WNT5A: variants seen among roughly 807,000 people sequenced by gnomAD.
WNT5A encodes the protein Wnt family member 5A.
A neutral mutation model predicts 42.1 loss-of-function variants in WNT5A; 9 were observed. The observed-to-expected ratio is 0.21, with a 90% confidence interval of 0.13 to 0.37. WNT5A has a LOEUF of 0.37. WNT5A is among the 10% of genes least tolerant of loss of function. The pLI, the probability that WNT5A is intolerant of heterozygous loss-of-function variation, is 1.00. For missense variants in WNT5A, 426 were observed against 534.0 expected (o/e 0.80, Z 1.99); for synonymous variants, 210 against 210.0 (o/e 1.00, Z 0.00).
chr3:55,494,598 G>T (rs2051695592), upstream of WNT5A, among the ~76,000 whole-genome samples: 1 of 152,106 alleles, frequency 6.6e-6, no homozygotes, highest in Admixed American at 6.5e-5. Context: ...GAGTGCAGTG[G>T]TGCGATCTTA....
chr3:55,470,892 C>T (rs150809587), intron 4 of WNT5A, among the ~76,000 whole-genome samples: 306 of 152,206 alleles, frequency 2.0e-3, no homozygotes, highest in Non-Finnish European at 3.6e-3. Flanking sequence ...AATGCATTAC[C>T]TGAATTAATC....
chr3:55,475,758 T>C (rs575365336), intron 3 of WNT5A, among the ~76,000 whole-genome samples: 1 of 152,280 alleles, frequency 6.6e-6, no homozygotes, highest in Admixed American at 6.5e-5. Flanking sequence ...TATCTCCCCA[T>C]ATAATAGTTA....
At chr3:55,482,149 C>A (rs1428941992) in intron 1 of WNT5A, among the ~76,000 whole-genome samples, 1 of 152,202 alleles carries the variant, frequency 6.6e-6, no homozygotes, top group African/African-American at 2.4e-5. Context: ...CCAGACGGGG[C>A]CAGAGGCGCT....
intron 2 of WNT5A, 127 bp from the exon 3 acceptor site, chr3:55,479,691 C>A: frequency 7.6e-7 from 1 of 1,311,582 alleles, no homozygotes; most frequent in Non-Finnish European, 1.0e-6. Flanking sequence ...GTCCTCATGA[C>A]AAAGTATGAG....
chr3:55,493,000 A>T (rs1415663750), upstream of WNT5A, among the ~76,000 whole-genome samples: 1 of 152,218 alleles, frequency 6.6e-6, no homozygotes, highest in Non-Finnish European at 1.5e-5. Flanking sequence ...TGGAACTGTC[A>T]AAGATTTGTT....
At chr3:55,480,677 A>G in intron 2 of WNT5A, 108 bp downstream of exon 2, 1 of 1,211,124 alleles carries the variant, frequency 8.3e-7, no homozygotes, top group Non-Finnish European at 1.1e-6. Context: ...ATGTCTTGCA[A>G]TAAATACACC....
At chr3:55,490,154 T>C (rs1401943344), upstream of WNT5A, 1 of 152,252 alleles carries the variant, frequency 6.6e-6, no homozygotes, top group African/African-American at 2.4e-5. Flanking sequence ...GCAGTTCGTG[T>C]AGAGGATCCT....
chr3:55,474,310 G>T, intron 4 of WNT5A, 27 bp downstream of exon 4: 1 of 1,611,810 alleles, frequency 6.2e-7, no homozygotes, highest in Non-Finnish European at 8.5e-7. Flanking sequence ...ACAGAGATGC[G>T]GGGCGGGGGC....
chr3:55,466,796 A>G lies in WNT5A; in HGVS notation c.*3296T>C, dbSNP rs974739041. Reference sequence around the variant, plus strand: ...TACAACTGAGGAAAAACTGAAACAGATGTGAGTCCTAGAACCACAAGAGTT... The same window carrying G: ...TACAACTGAGGAAAAACTGAAACAGGTGTGAGTCCTAGAACCACAAGAGTT... On this transcript the variant is annotated 3_prime_UTR_variant, in exon 5 of 5. Coordinates refer to ENST00000264634, the MANE Select transcript of WNT5A (RefSeq NM_003392.7). 6.6e-6 allele frequency: 1 copy of G among 152,646 alleles called. No homozygotes were observed. Among genetic ancestry groups the G allele is most frequent in the Non-Finnish European group, 1.5e-5 (1 of 68,030 alleles). The allele number at this position is 152,646 out of a possible 1,614,324, so 9.5% of individuals were successfully genotyped here.
Position 55,468,641 on chromosome 3 carries a change from T to A in WNT5A, c.*1451A>T, listed in dbSNP as rs965421436. 4.0e-5 allele frequency: 6 copies of A among 149,134 alleles called. No homozygotes were observed. Among genetic ancestry groups the A allele is most frequent in the Admixed American group, 2.7e-4 (4 of 14,902 alleles). 9.2% of individuals were successfully genotyped at this position (149,134 alleles called of 1,614,324 possible). On this transcript the variant is annotated 3_prime_UTR_variant, in exon 5 of 5. Transcript: ENST00000264634. ...AATGAGATATATTTATATTTATATT[T>A]ATATATATGTATATATATATATATG...
the WNT5A span, among the ~76,000 whole-genome samples, chr3:55,502,453 T>C: frequency 6.6e-6 from 1 of 152,206 alleles, no homozygotes; most frequent in Non-Finnish European, 1.5e-5. Flanking sequence ...TCCCTGCAAC[T>C]TAGTTCCACC....
intron 2 of WNT5A, among the ~76,000 whole-genome samples, chr3:55,479,815 C>G (rs142538047): frequency 1.8e-4 from 27 of 152,220 alleles, no homozygotes; most frequent in African/African-American, 6.5e-4. Context: ...TTCCTAGCCC[C>G]TGTCACCATA....
Position 55,466,670 on chromosome 3 carries a change from G to A in WNT5A, c.*3422C>T, listed in dbSNP as rs2051148907. On this transcript the variant is annotated 3_prime_UTR_variant, in exon 5 of 5. Transcript: ENST00000264634. ...ATATAAATTTTTTATTAATTTTCTT[G>A]TATTGGGAAGATCTTGAATACGCTC... is the stretch of plus-strand genomic sequence containing the variant. 6.6e-6 allele frequency: 1 copy of A among 152,504 alleles called. No homozygotes were observed. The highest frequency in any genetic ancestry group is 2.1e-4 in the South Asian group (1 of 4,830). The allele number at this position is 152,504 out of a possible 1,614,324, so 9.4% of individuals were successfully genotyped here. A position where few individuals can be genotyped will look rare whatever the true frequency, so the allele number is the denominator to read the frequency against.
At chr3:55,496,747 T>C in the WNT5A span, among the ~76,000 whole-genome samples, 1 of 152,244 alleles carries the variant, frequency 6.6e-6, no homozygotes, top group South Asian at 2.1e-4. Flanking sequence ...CTCTCTTTGC[T>C]ATTTGAAAAT....
upstream of WNT5A, among the ~76,000 whole-genome samples, chr3:55,495,275 G>T (rs1018867364): frequency 1.3e-5 from 2 of 152,122 alleles, no homozygotes; most frequent in Non-Finnish European, 2.9e-5. Context: ...TTATACAATA[G>T]ATCTTTTGAA....
chr3:55,481,228 A>T (rs997208106), intron 1 of WNT5A: 2 of 924,780 alleles, frequency 2.2e-6, no homozygotes, highest in African/African-American at 1.8e-5. Flanking sequence ...TGCTCGCTCG[A>T]GTCCCGCACC....
chr3:55,494,045 T>A (rs2051689617), upstream of WNT5A: 1 of 152,240 alleles, frequency 6.6e-6, no homozygotes, highest in Non-Finnish European at 1.5e-5. Flanking sequence ...GGCCCGCTGA[T>A]CATCTACATG....
chr3:55,499,578 T>C, the WNT5A span, among the ~76,000 whole-genome samples: 1 of 152,234 alleles, frequency 6.6e-6, no homozygotes, highest in East Asian at 1.9e-4. Flanking sequence ...ATAATTTAAA[T>C]GGTTTAAGTA....
At chr3:55,498,642 T>A in the WNT5A span, among the ~76,000 whole-genome samples, 1 of 152,092 alleles carries the variant, frequency 6.6e-6, no homozygotes, top group African/African-American at 2.4e-5. Context: ...TCACCTATAC[T>A]CTCCTTCCAG....
Sources: allele counts gnomAD v4.1 joint callset (sites outside exome capture counted in the v4.1 genomes callset), GRCh38; gene constraint gnomAD v4.1.1; transcripts MANE v1.5; gene names NCBI Gene and HGNC (gene_info 2026-07-23, HGNC 2026-07-21).